The following CENPO variants were observed in gnomAD, a reference collection of about 807,000 sequenced individuals.
CENPO encodes centromeric protein O.
A neutral mutation model predicts 36.1 loss-of-function variants in CENPO; 30 were observed. The observed-to-expected ratio is 0.83, with a 90% confidence interval of 0.62 to 1.13. The LOEUF is 1.13. CENPO is among the 50% of genes most tolerant of loss of function. The pLI is 0.00. For missense variants in CENPO, 349 were observed against 357.8 expected (o/e 0.98, Z 0.20); for synonymous variants, 171 against 142.3 (o/e 1.20, Z -1.44).
rs1667717665 is a variant in CENPO at position 24,821,563 on chromosome 2, G to A, written c.*2245G>A. 1.2e-6 allele frequency: 2 copies of A among 1,614,140 alleles called. No homozygotes were observed. The highest frequency in any genetic ancestry group is 1.7e-6 in the Non-Finnish European group (2 of 1,180,004). On this transcript the variant is annotated 3_prime_UTR_variant, in exon 8 of 8. Transcript: ENST00000380834. ...TGAAGGACTGGTTGTTGATGTTGGT[G>A]AGCGTATCCTTCATGGCCAGCGCGA... is the stretch of plus-strand genomic sequence containing the variant.
At chr2:24,803,869 G>A (rs1300262901) in intron 3 of CENPO, among the ~76,000 whole-genome samples, 5 of 152,058 alleles carry the variant, frequency 3.3e-5, no homozygotes, top group Non-Finnish European at 5.9e-5. Flanking sequence ...GCTGAGTTCA[G>A]TTCCTGGATA....
At chr2:24,808,512 A>G (rs1666530050) in intron 3 of CENPO, among the ~76,000 whole-genome samples, 1 of 152,202 alleles carries the variant, frequency 6.6e-6, no homozygotes, top group African/African-American at 2.4e-5. Context: ...AGGTAATAAA[A>G]GAGCCACCTG....
intron 3 of CENPO, among the ~76,000 whole-genome samples, chr2:24,808,652 T>C (rs1269285090): frequency 2.0e-5 from 3 of 152,214 alleles, no homozygotes; most frequent in Admixed American, 6.5e-5. Flanking sequence ...TTGTGGTATA[T>C]ATTGATTGCT....
At position 24,821,493 on chromosome 2, in the gene CENPO, G is replaced by A. The variant is rs920321256; in HGVS notation, c.*2175G>A. On this transcript the variant is annotated 3_prime_UTR_variant, in exon 8 of 8. Coordinates refer to ENST00000380834, the MANE Select transcript of CENPO (RefSeq NM_001322101.2). Reference sequence around the variant, plus strand: ...TGCATGGGAAGGGAGCCTGCTGCGGGGCAGGCCAGCTGGGGGTGCTCACCT... The same window carrying A: ...TGCATGGGAAGGGAGCCTGCTGCGGAGCAGGCCAGCTGGGGGTGCTCACCT... 6.2e-7 allele frequency: 1 copy of A among 1,612,568 alleles called. No homozygotes were observed. Among genetic ancestry groups the A allele is most frequent in the South Asian group, 1.1e-5 (1 of 90,922 alleles).
chr2:24,800,014 G>C (rs534950180), intron 3 of CENPO, among the ~76,000 whole-genome samples, 170 bp downstream of exon 3: 1 of 152,196 alleles, frequency 6.6e-6, no homozygotes, highest in Non-Finnish European at 1.5e-5. Flanking sequence ...GGCCAGGCAC[G>C]GTGGCTCATG....
chr2:24,814,383 C>T lies in CENPO; in HGVS notation c.224C>T (p.Ala75Val). ...VVRHRRASVK[A>V]CIANVEPNQT... ...TTGCTGCATATCTTGCAGGTGAAAGCATGTATTGCCAATGTAGAACCCAAC... is the reference window on the plus strand; with the variant it reads ...TTGCTGCATATCTTGCAGGTGAAAGTATGTATTGCCAATGTAGAACCCAAC... Residue 75 changes from alanine to valine, a missense_variant, in exon 4 of 8, where the codon GCA becomes GTA. By Grantham distance (64) the Ala-to-Val change is moderately conservative. Transcript: ENST00000380834. The T allele has an allele frequency of 6.6e-7, 1 of 1,518,330 alleles. No individual in the cohort carries two copies. 94.1% of individuals were successfully genotyped at this position (1,518,330 alleles called of 1,614,324 possible).
At position 24,821,685 on chromosome 2, in the gene CENPO, C is replaced by T. The variant is rs749224237; in HGVS notation, c.*2367C>T. 5.6e-6 allele frequency: 9 copies of T among 1,603,990 alleles called. No homozygotes were observed. The highest frequency in any genetic ancestry group is 5.3e-5 in the African/African-American group (4 of 74,826). ...AGAAAGTGTCAGGGGCCGCTCACTG[C>T]AGCAGCCTGCTCTGCTGCCTTCCCT... On this transcript the variant is annotated 3_prime_UTR_variant, in exon 8 of 8. Transcript: ENST00000380834.
intron 5 of CENPO, 91 bp downstream of exon 5, chr2:24,815,847 G>C: frequency 8.1e-7 from 1 of 1,234,850 alleles, no homozygotes; most frequent in Non-Finnish European, 1.1e-6. Context: ...TTTCCTAACT[G>C]TGAGTTAGAA....
chr2:24,821,338 TTA>T lies in CENPO; in HGVS notation c.*2021_*2022del. On this transcript the variant is annotated 3_prime_UTR_variant, in exon 8 of 8. Coordinates refer to ENST00000380834, the MANE Select transcript of CENPO (RefSeq NM_001322101.2). ...TCATCACATCAGCTGGGTTTTTGGTTTAGTCATCTAGAGTCGTCTGGACTAAA... is the reference window on the plus strand; with the variant it reads ...TCATCACATCAGCTGGGTTTTTGGTTGTCATCTAGAGTCGTCTGGACTAAA... The T allele has an allele frequency of 1.1e-6, 1 of 874,842 alleles. No individual in the cohort carries two copies. Among genetic ancestry groups the T allele is most frequent in the Admixed American group, 2.7e-5 (1 of 37,120 alleles). 54.2% of individuals were successfully genotyped at this position (874,842 alleles called of 1,614,324 possible).
intron 2 of CENPO, among the ~76,000 whole-genome samples, chr2:24,794,505 G>A (rs1361430139): frequency 1.3e-5 from 2 of 152,228 alleles, no homozygotes; most frequent in Non-Finnish European, 2.9e-5. Flanking sequence ...GACTTTTCAA[G>A]TGAAGCATTT....
chr2:24,796,077 C>T (rs1348043775), intron 2 of CENPO, among the ~76,000 whole-genome samples: 3 of 152,118 alleles, frequency 2.0e-5, no homozygotes, highest in Non-Finnish European at 4.4e-5. Context: ...GAGTGTTGGC[C>T]GGGCGCGGTG....
chr2:24,799,819 C>T lies in CENPO; in HGVS notation c.191C>T (p.Ala64Val). ...AGGCGTCTGCGAGATGAGCTGAGGGCTGTGGTGCGGCACCGGCGAGCCAGC... is the reference window on the plus strand; with the variant it reads ...AGGCGTCTGCGAGATGAGCTGAGGGTTGTGGTGCGGCACCGGCGAGCCAGC... ...KLRRLRDELR[A>V]VVRHRRASVK... is the part of the protein sequence containing the mutation. Residue 64 changes from alanine (A) to valine (V), a missense_variant, in exon 3 of 8, where the codon GCT becomes GTT. Physicochemically the swap from Ala to Val is moderately conservative, Grantham distance 64 (BLOSUM62 0). Coordinates refer to ENST00000380834, the MANE Select transcript of CENPO (RefSeq NM_001322101.2). 3.7e-6 allele frequency: 6 copies of T among 1,613,450 alleles called. No individual in the cohort carries two copies. The highest frequency in any genetic ancestry group is 5.1e-6 in the Non-Finnish European group (6 of 1,179,986).
chr2:24,809,664 G>A (rs1388051440), intron 3 of CENPO, among the ~76,000 whole-genome samples: 1 of 149,626 alleles, frequency 6.7e-6, no homozygotes, highest in Non-Finnish European at 1.5e-5. Flanking sequence ...TTGGCCCGTG[G>A]GTTTGTTTTA....
In CENPO at chr2:24,821,041, G is replaced by A; in HGVS notation, c.*1723G>A. 1.4e-6 allele frequency: 1 copy of A among 729,690 alleles called. No homozygotes were observed. The highest frequency in any genetic ancestry group is 2.1e-6 in the Non-Finnish European group (1 of 473,328). The allele number at this position is 729,690 out of a possible 1,614,324, so 45.2% of individuals were successfully genotyped here. On this transcript the variant is annotated 3_prime_UTR_variant, in exon 8 of 8. Transcript: ENST00000380834. ...TTATCCGTGTGCTTGTTAGGTGTCA[G>A]CCGCCACCCCCCCCCCATATGCAGA... is the stretch of plus-strand genomic sequence containing the variant.
Position 24,816,688 on chromosome 2 carries a change from C to A in CENPO, c.637C>A (p.Pro213Thr), listed in dbSNP as rs1558382087. 2.5e-6 allele frequency: 4 copies of A among 1,612,320 alleles called. No individual in the cohort carries two copies. Among genetic ancestry groups the A allele is most frequent in the Non-Finnish European group, 3.4e-6 (4 of 1,179,322 alleles). Residue 213 changes from proline (P) to threonine (T), a missense_variant, in exon 6 of 8, where the codon CCA (proline) becomes ACA (threonine). Pro to Thr is a conservative substitution (Grantham distance 38, BLOSUM62 -1). Transcript: ENST00000380834. ...ALLTGPLQRN[P>T]LCNLLSFTYK... ...CCTGACTGGGCCCTTGCAGAGAAAC[C>A]CACTGTGTAACTTGCTGTCATTTAC...
chr2:24,816,904 C>T (rs533876579), intron 6 of CENPO, 87 bp downstream of exon 6: 393 of 1,244,216 alleles, frequency 3.2e-4, no homozygotes, highest in Non-Finnish European at 4.3e-4. Flanking sequence ...ATGAAGTAGA[C>T]CTCTTGAGAC....
chr2:24,820,789 T>A lies in CENPO; in HGVS notation c.*1471T>A. ...GCTACATTGACTGTATTGCCCCAGA[T>A]GTCGTAGTGTGGTTTCCGGGCTCCG... On this transcript the variant is annotated 3_prime_UTR_variant, in exon 8 of 8. Coordinates refer to ENST00000380834, the MANE Select transcript of CENPO (RefSeq NM_001322101.2). 6.2e-7 allele frequency: 1 copy of A among 1,614,148 alleles called. No homozygotes were observed. Among genetic ancestry groups the A allele is most frequent in the Non-Finnish European group, 8.5e-7 (1 of 1,180,012 alleles).
chr2:24,805,712 G>C (rs995694568), intron 3 of CENPO, among the ~76,000 whole-genome samples: 8 of 152,296 alleles, frequency 5.3e-5, no homozygotes, highest in East Asian at 1.9e-4. Flanking sequence ...GTACCCAGCT[G>C]TGTGAGGTGT....
At chr2:24,794,566 C>A (rs1385509565) in intron 2 of CENPO, among the ~76,000 whole-genome samples, 2 of 152,202 alleles carry the variant, frequency 1.3e-5, no homozygotes, top group African/African-American at 4.8e-5. Flanking sequence ...TAATTCTTTA[C>A]ATACTTTGTG....
Sources: allele counts gnomAD v4.1 joint callset (sites outside exome capture counted in the v4.1 genomes callset), GRCh38; gene constraint gnomAD v4.1.1; transcripts MANE v1.5; gene names NCBI Gene and HGNC (gene_info 2026-07-23, HGNC 2026-07-21).